Variants in RBMS3 observed in about 807,000 individuals in gnomAD.
RBMS3 encodes the protein RNA-binding motif, single-stranded-interacting protein 3.
A neutral mutation model predicts 66.8 loss-of-function variants in RBMS3; 27 were observed. The observed-to-expected ratio is 0.40, with a 90% CI of 0.30 to 0.56. The LOEUF (loss-of-function observed/expected upper bound fraction) is 0.56. Ranked by LOEUF, RBMS3 falls within the 20% of genes least tolerant of loss-of-function variation. RBMS3 has a pLI of 0.40. For missense variants in RBMS3, 513 were observed against 549.5 expected, an observed-to-expected ratio of 0.93 and a Z score of 0.66; for synonymous variants, 188 against 183.0, an observed-to-expected ratio of 1.03 and a Z score of -0.22.
intron 12 of RBMS3, among the ~76,000 whole-genome samples, chr3:29,969,000 T>C (rs1009965673): frequency 2.0e-5 from 3 of 152,326 alleles, no homozygotes; most frequent in African/African-American, 7.2e-5. Context: ...TCTCAAAAAC[T>C]TCTGCTTAAT....
chr3:29,878,890 TAAATA>T (rs1332147286), intron 7 of RBMS3, among the ~76,000 whole-genome samples: 1 of 151,778 alleles, frequency 6.6e-6, no homozygotes, highest in Non-Finnish European at 1.5e-5. Context: ...AAAAAAAATT[TAAATA>T]AAATTAGCTG....
chr3:29,795,264 A>C (rs2149433615), intron 6 of RBMS3, among the ~76,000 whole-genome samples: 1 of 152,274 alleles, frequency 6.6e-6, no homozygotes, highest in East Asian at 1.9e-4. Flanking sequence ...ATATGCTCTC[A>C]CAGAAAGTGG....
intron 1 of RBMS3, among the ~76,000 whole-genome samples, chr3:29,404,527 A>T (rs1196068593): frequency 1.3e-5 from 2 of 152,116 alleles, no homozygotes; most frequent in Non-Finnish European, 2.9e-5. Context: ...TTTATAGGCT[A>T]TATTTCTGTA....
chr3:29,930,825 G>A (rs2061101939), intron 10 of RBMS3, among the ~76,000 whole-genome samples: 1 of 152,002 alleles, frequency 6.6e-6, no homozygotes, highest in Non-Finnish European at 1.5e-5. Flanking sequence ...GGTGGTTGAA[G>A]ATGTCATTAA....
intron 10 of RBMS3, among the ~76,000 whole-genome samples, chr3:29,902,523 A>G (rs1022268374): frequency 3.3e-5 from 5 of 151,744 alleles, no homozygotes; most frequent in Non-Finnish European, 2.9e-5. Context: ...TATTTCACTT[A>G]CTTTCTAAAC....
intron 6 of RBMS3, among the ~76,000 whole-genome samples, chr3:29,800,635 C>G (rs2057358734): frequency 6.6e-6 from 1 of 152,136 alleles, no homozygotes. Context: ...CTAATCATAG[C>G]AATGCAATTT....
intron 2 of RBMS3, among the ~76,000 whole-genome samples, chr3:29,473,037 G>A (rs2042800162): frequency 6.6e-6 from 1 of 151,718 alleles, no homozygotes; most frequent in African/African-American, 2.4e-5. Flanking sequence ...TAGATACAGA[G>A]TGTAGATTGG....
intron 12 of RBMS3, among the ~76,000 whole-genome samples, chr3:29,949,645 TG>T (rs371342696): frequency 6.6e-6 from 1 of 151,870 alleles, no homozygotes; most frequent in African/African-American, 2.4e-5. Context: ...TGGTAGACAT[TG>T]AGATGGAGGT....
intron 6 of RBMS3, among the ~76,000 whole-genome samples, chr3:29,768,838 C>T (rs1446267341): frequency 6.6e-6 from 1 of 151,884 alleles, no homozygotes; most frequent in Non-Finnish European, 1.5e-5. Flanking sequence ...TTAGCATTTT[C>T]CCCCTTCCCT....
intron 3 of RBMS3, among the ~76,000 whole-genome samples, chr3:29,552,312 T>G (rs1010362007): frequency 4.6e-5 from 7 of 152,162 alleles, no homozygotes; most frequent in African/African-American, 7.2e-5. Flanking sequence ...TCTCGGGAGA[T>G]TTGCTGTAAG....
chr3:29,661,474 A>T (rs1473937988), intron 4 of RBMS3, among the ~76,000 whole-genome samples: 2 of 152,134 alleles, frequency 1.3e-5, no homozygotes, highest in African/African-American at 4.8e-5. Context: ...GATAGATCTC[A>T]TTGCACTATT....
chr3:29,680,738 C>T (rs1050814372), intron 4 of RBMS3, among the ~76,000 whole-genome samples: 1 of 152,100 alleles, frequency 6.6e-6, no homozygotes, highest in Non-Finnish European at 1.5e-5. Flanking sequence ...CTCTTTCATT[C>T]ATCCTATTTT....
At chr3:29,992,324 C>A (rs1698934213) in intron 14 of RBMS3, among the ~76,000 whole-genome samples, 1 of 152,146 alleles carries the variant, frequency 6.6e-6, no homozygotes, top group Non-Finnish European at 1.5e-5. Context: ...CAGTGGCTCA[C>A]GCCTGTAATC....
At chr3:29,450,287 C>T (rs912290490) in intron 2 of RBMS3, among the ~76,000 whole-genome samples, 3 of 152,150 alleles carry the variant, frequency 2.0e-5, no homozygotes, top group Admixed American at 1.3e-4. Flanking sequence ...GCTGAAAAGT[C>T]CCTTCCCAGG....
intron 10 of RBMS3, among the ~76,000 whole-genome samples, chr3:29,928,531 A>G (rs1387268167): frequency 6.6e-6 from 1 of 152,070 alleles, no homozygotes; most frequent in Non-Finnish European, 1.5e-5. Context: ...GGAAAGCTAT[A>G]TACCATGGGG....
At chr3:29,341,711 A>G (rs942033106) in intron 1 of RBMS3, among the ~76,000 whole-genome samples, 2 of 152,122 alleles carry the variant, frequency 1.3e-5, no homozygotes, top group Non-Finnish European at 2.9e-5. Flanking sequence ...GCTCTTAACT[A>G]ACAGCATGCA....
chr3:29,729,078 C>A (rs2054008701), intron 4 of RBMS3, among the ~76,000 whole-genome samples: 1 of 152,068 alleles, frequency 6.6e-6, no homozygotes, highest in African/African-American at 2.4e-5. Flanking sequence ...TGGTTTGCTG[C>A]ACCCATCAGC....
chr3:29,524,574 C>A (rs538502706), intron 3 of RBMS3, among the ~76,000 whole-genome samples: 1 of 151,336 alleles, frequency 6.6e-6, no homozygotes, highest in South Asian at 2.1e-4. Flanking sequence ...ATTACAGGTG[C>A]GAACCACTGC....
intron 12 of RBMS3, among the ~76,000 whole-genome samples, chr3:29,987,493 C>G (rs1460611027): frequency 1.3e-5 from 2 of 151,980 alleles, no homozygotes; most frequent in Non-Finnish European, 1.5e-5. Context: ...TAAGAAAAAT[C>G]TGGTGAATTA....
Sources: gnomAD v4.1 joint callset for allele counts (sites outside exome capture counted in the v4.1 genomes callset) on GRCh38, gnomAD v4.1.1 for gene constraint, MANE v1.5 for transcripts, NCBI Gene and HGNC (gene_info 2026-07-23, HGNC 2026-07-21) for gene names.